C14orf132: variants seen among roughly 807,000 people sequenced by gnomAD.
The protein encoded by C14orf132 is chromosome 14 open reading frame 132.
In C14orf132, 6 loss-of-function variants were observed where a neutral mutation model predicts 5.8. The observed-to-expected ratio is 1.03, with a 90% confidence interval of 0.57 to 2.04. The LOEUF (loss-of-function observed/expected upper bound fraction) is 2.04. Ranked by LOEUF, C14orf132 falls within the 30% of genes most tolerant of loss-of-function variation. The probability of loss-of-function intolerance (pLI) is 0.00; values close to 1 mark genes in which losing one functional copy is unlikely to be tolerated. For synonymous variants in C14orf132, 51 were observed against 49.8 expected, an observed-to-expected ratio of 1.02 and a Z score of -0.10; for missense variants, 125 against 115.8, an observed-to-expected ratio of 1.08 and a Z score of -0.37.
chr14:96,051,369 G>A (rs1595170529), intron 1 of C14orf132: 1 of 396,264 alleles, frequency 2.5e-6, no homozygotes, highest in South Asian at 1.4e-4. Flanking sequence ...CTGGGTCCTA[G>A]GAAGCCTTGT....
At chr14:96,086,381 C>A (rs1010764252) in intron 1 of C14orf132, 130 bp from the exon 2 acceptor site, 20 of 745,724 alleles carry the variant, frequency 2.7e-5, no homozygotes, top group Non-Finnish European at 1.3e-5. Context: ...AAAAGCAAAG[C>A]CCCATTTTGC....
chr14:96,049,631 C>T lies in C14orf132; in HGVS notation c.27+10104C>T, dbSNP rs200495421. Among the ~76,000 whole-genome samples the T allele has an allele frequency of 1.3e-3, 91 of 68,136 alleles. 6 individuals are homozygous for T. The highest frequency in any genetic ancestry group is 4.7e-3 in the Admixed American group (27 of 5,794). 44.7% of individuals were successfully genotyped at this position (68,136 alleles called of 152,430 possible). A position where few individuals can be genotyped will look rare whatever the true frequency, so the allele number is the denominator to read the frequency against. ...ATATACATATATACGTATATATATA[C>T]ATATATACGTATATATATATATAGA... is the stretch of plus-strand genomic sequence containing the variant. On this transcript the variant is annotated intron_variant, in intron 1 of 1. Transcript: ENST00000555004.
intron 1 of C14orf132, among the ~76,000 whole-genome samples, chr14:96,064,563 A>G (rs1031176721): frequency 2.0e-4 from 30 of 151,956 alleles, no homozygotes. Flanking sequence ...TTCTAAGTGA[A>G]GTGACTCAGG....
In C14orf132 at chr14:96,091,228, G is replaced by A. The variant is rs1043274188; in HGVS notation, c.*4493G>A. On this transcript the variant is annotated 3_prime_UTR_variant, in exon 2 of 2. Transcript: ENST00000555004. The stretch of plus-strand genomic sequence containing the variant: ...GGACCATCTCGGGATATGAGGCCTC[G>A]GAGGCTGGGGTTGAGATTTGGTCCT... 9.0e-5 allele frequency: 32 copies of A among 356,888 alleles called. No homozygotes were observed. The highest frequency in any genetic ancestry group is 6.8e-4 in the South Asian group (32 of 46,728). 22.1% of individuals were successfully genotyped at this position (356,888 alleles called of 1,614,324 possible).
At chr14:96,044,758 C>T (rs188075292) in intron 1 of C14orf132, among the ~76,000 whole-genome samples, 155 of 152,310 alleles carry the variant, frequency 1.0e-3, no homozygotes, top group Non-Finnish European at 1.9e-3. Context: ...GTAGTCTCTG[C>T]CTGCATCGTC....
chr14:96,086,470 C>T lies in C14orf132; in HGVS notation c.28-41C>T, dbSNP rs536643591. On this transcript the variant is annotated intron_variant, in intron 1 of 1. Transcript: ENST00000555004. ...CTTTTGCAGGGTACATCTGCCCAAG[C>T]CCCCATGGCCCTGGATAATTCTCTC... The T allele has an allele frequency of 6.8e-5, 103 of 1,512,280 alleles. 2 individuals carry two copies. In the South Asian group the frequency reaches 9.7e-4, roughly 14 times the overall value. 93.7% of individuals were successfully genotyped at this position (1,512,280 alleles called of 1,614,324 possible).
chr14:96,078,510 A>G (rs943077176), intron 1 of C14orf132, among the ~76,000 whole-genome samples: 1 of 152,262 alleles, frequency 6.6e-6, no homozygotes, highest in South Asian at 2.1e-4. Flanking sequence ...CCTTCTTGCC[A>G]GGGGCCTCGG....
chr14:96,059,795 C>G (rs1465949173), intron 1 of C14orf132, among the ~76,000 whole-genome samples: 1 of 152,210 alleles, frequency 6.6e-6, no homozygotes, highest in Non-Finnish European at 1.5e-5. Context: ...TGATCTGTTT[C>G]CTTTCTTCAC....
At chr14:96,056,263 T>C (rs1376178928) in intron 1 of C14orf132, among the ~76,000 whole-genome samples, 1 of 152,182 alleles carries the variant, frequency 6.6e-6, no homozygotes, top group Non-Finnish European at 1.5e-5. Context: ...AGCATTCACG[T>C]GACATGGCCC....
At chr14:96,045,020 C>T (rs12890394) in intron 1 of C14orf132, among the ~76,000 whole-genome samples, 8,936 of 152,258 alleles carry the variant, frequency 0.059, 344 homozygotes, top group East Asian at 0.15. Context: ...CTCATATTAG[C>T]AGCTGTTGAT....
chr14:96,060,525 T>A (rs1027699466), intron 1 of C14orf132, among the ~76,000 whole-genome samples: 1 of 152,164 alleles, frequency 6.6e-6, no homozygotes, highest in Admixed American at 6.5e-5. Flanking sequence ...AGCAGATTTT[T>A]TATCCTCTGC....
rs190315887 is a variant in C14orf132 at position 96,077,202 on chromosome 14, T to C, written c.28-9309T>C. Among the ~76,000 whole-genome samples the C allele has an allele frequency of 3.1e-3, 466 of 152,300 alleles. 4 individuals carry two copies. Among genetic ancestry groups the C allele is most frequent in the Middle Eastern group, 3.4e-3 (1 of 294 alleles). ...TCAGGTCTTCTGTGTCCTTGTTGATTTCCTATTTCTTTCTATACCAAGAGA... is the reference window on the plus strand; with the variant it reads ...TCAGGTCTTCTGTGTCCTTGTTGATCTCCTATTTCTTTCTATACCAAGAGA... On this transcript the variant is annotated intron_variant, in intron 1 of 1. Transcript: ENST00000555004.
rs779141614 is a variant in C14orf132, at chr14:96,090,568, C to T, written c.*3833C>T. The T allele has an allele frequency of 4.4e-6, 2 of 455,574 alleles. No individual in the cohort carries two copies. The highest frequency in any genetic ancestry group is 2.4e-5 in the Admixed American group (1 of 42,540). The allele number at this position is 455,574 out of a possible 1,614,324, so 28.2% of individuals were successfully genotyped here. On this transcript the variant is annotated 3_prime_UTR_variant, in exon 2 of 2. Transcript: ENST00000555004. ...GGATGATGGCGCAGCTCTTCCTACT[C>T]CAAGCCAATGCTGTCCTTCCCCTTT...
intron 1 of C14orf132, among the ~76,000 whole-genome samples, chr14:96,072,434 G>GTGCCT (rs1887742031): frequency 6.6e-6 from 1 of 152,152 alleles, no homozygotes; most frequent in Non-Finnish European, 1.5e-5. Context: ...GGTGAACGCC[G>GTGCCT]GGCTTGCCAC....
chr14:96,081,881 T>G (rs1888041187), intron 1 of C14orf132, among the ~76,000 whole-genome samples: 2 of 152,180 alleles, frequency 1.3e-5, no homozygotes, highest in African/African-American at 4.8e-5. Context: ...ATTACAGGCA[T>G]GAGTCACCGC....
chr14:96,055,728 G>A (rs1373562828), intron 1 of C14orf132, among the ~76,000 whole-genome samples: 1 of 152,170 alleles, frequency 6.6e-6, no homozygotes, highest in Non-Finnish European at 1.5e-5. Flanking sequence ...CACCGTGCCT[G>A]GTACAGAATA....
intron 1 of C14orf132, among the ~76,000 whole-genome samples, chr14:96,067,454 C>G (rs1176549404): frequency 6.6e-6 from 1 of 151,908 alleles, no homozygotes; most frequent in Non-Finnish European, 1.5e-5. Flanking sequence ...TTAGTGTGCA[C>G]TCTGGGAGGC....
At chr14:96,066,489 T>C (rs1887531203) in intron 1 of C14orf132, among the ~76,000 whole-genome samples, 1 of 152,190 alleles carries the variant, frequency 6.6e-6, no homozygotes, top group Non-Finnish European at 1.5e-5. Flanking sequence ...GGTTGAGGCA[T>C]GTCGGACACA....
At chr14:96,042,830 C>A (rs144049861) in intron 1 of C14orf132, among the ~76,000 whole-genome samples, 59 of 152,308 alleles carry the variant, frequency 3.9e-4, no homozygotes, top group African/African-American at 1.3e-3. Flanking sequence ...ACACCCCAGC[C>A]CCACTCCACA....
Sources: allele counts gnomAD v4.1 joint callset (sites outside exome capture counted in the v4.1 genomes callset), GRCh38; gene constraint gnomAD v4.1.1; transcripts MANE v1.5; gene names NCBI Gene and HGNC (gene_info 2026-07-23, HGNC 2026-07-21).